Variants in CNIH3 observed in about 807,000 individuals in gnomAD.
CNIH3 encodes the protein protein cornichon homolog 3.
In CNIH3, 14 loss-of-function variants were observed where a neutral mutation model predicts 24.1. The ratio of observed to expected loss-of-function variants is 0.58; its 90% CI spans 0.38 to 0.91. CNIH3 has a LOEUF of 0.91. Among genes scored for constraint, CNIH3 ranks in the 40% least tolerant of loss-of-function variants. CNIH3 has a pLI of 0.00. For missense variants in CNIH3, 178 were observed against 196.8 expected (o/e 0.90, Z 0.57); for synonymous variants, 68 against 73.8 (o/e 0.92, Z 0.40).
At chr1:224,672,317 A>G (rs956241957) in intron 1 of CNIH3, among the ~76,000 whole-genome samples, 3 of 152,366 alleles carry the variant, frequency 2.0e-5, no homozygotes, top group Non-Finnish European at 4.4e-5. Flanking sequence ...TTCAGGTAGC[A>G]CCAAAAGCCA....
At chr1:224,602,071 A>G (rs1056686360) in intron 3 of CNIH3, among the ~76,000 whole-genome samples, 11 of 152,244 alleles carry the variant, frequency 7.2e-5, no homozygotes, top group African/African-American at 2.7e-4. Context: ...TTCCACCTTC[A>G]TAAGATCAAC....
chr1:224,684,250 A>C lies in CNIH3; in HGVS notation c.151-546A>C, dbSNP rs1686543263. On this transcript the variant is annotated intron_variant, in intron 2 of 5. Transcript: ENST00000272133. This position sits in a 1 kb window ranked among gnomAD's most constrained non-coding sequence, Gnocchi z 4.2. ...CTTGACAGACTCGAACTTCTTAAAAAGCCTTAGCCTGGGGGCATCATTGTT... is the reference window on the plus strand; with the variant it reads ...CTTGACAGACTCGAACTTCTTAAAACGCCTTAGCCTGGGGGCATCATTGTT... 6.6e-6 allele frequency among the ~76,000 whole-genome samples: 1 copy of C among 152,234 alleles called. No individual in the cohort carries two copies. Among genetic ancestry groups the C allele is most frequent in the Admixed American group, 6.5e-5 (1 of 15,288 alleles).
chr1:224,614,979 G>A (rs528069302), upstream of CNIH3, among the ~76,000 whole-genome samples: 1,182 of 134,416 alleles, frequency 8.8e-3, 10 homozygotes, highest in African/African-American at 0.021. Context: ...AAATAAATAA[G>A]TAAAAGATGT....
At chr1:224,553,023 C>A (rs945268418) in intron 3 of CNIH3, among the ~76,000 whole-genome samples, 2 of 150,220 alleles carry the variant, frequency 1.3e-5, no homozygotes, top group Non-Finnish European at 3.0e-5. Context: ...CAATACATCT[C>A]CCTTAGATAT....
chr1:224,454,487 TGA>T (rs1252315907), intron 1 of CNIH3: 2 of 231,512 alleles, frequency 8.6e-6, no homozygotes, highest in East Asian at 1.8e-4. Flanking sequence ...AAGCTTGGAC[TGA>T]GAGACCTGGT....
At position 224,617,125 on chromosome 1, in the gene CNIH3, G is replaced by T. The variant is rs770215314; in HGVS notation, c.-50G>T. 3 of 1,605,608 alleles carry T rather than the reference G, an allele frequency of 1.9e-6. No homozygotes were observed. Among genetic ancestry groups the T allele is most frequent in the Middle Eastern group, 1.7e-4 (1 of 5,962 alleles). ...AGTGCGGTCCTCTAGGGAGGCATCG[G>T]GCTCCTAGGGGCTTCTTGGCGTGTG... On this transcript the variant is annotated 5_prime_UTR_variant, in exon 1 of 6. Transcript: ENST00000272133.
At chr1:224,563,460 G>GTGT (rs1680456895) in intron 3 of CNIH3, among the ~76,000 whole-genome samples, 13 of 146,476 alleles carry the variant, frequency 8.9e-5, no homozygotes, top group South Asian at 6.7e-4. Flanking sequence ...TTTTAGACGG[G>GTGT]GTGTGTGTGT....
At chr1:224,633,123 T>C (rs1256692529) in intron 1 of CNIH3, among the ~76,000 whole-genome samples, 1 of 152,088 alleles carries the variant, frequency 6.6e-6, no homozygotes, top group Non-Finnish European at 1.5e-5. Context: ...GGGTATGAGG[T>C]GTCAGGTTTC....
chr1:224,448,161 C>T (rs1233513989), intron 1 of CNIH3, among the ~76,000 whole-genome samples: 1 of 152,140 alleles, frequency 6.6e-6, no homozygotes, highest in Non-Finnish European at 1.5e-5. Flanking sequence ...TGCTTGAGCC[C>T]AGGAGGTTGA....
chr1:224,699,850 G>A (rs1687386266), intron 3 of CNIH3, among the ~76,000 whole-genome samples: 1 of 152,160 alleles, frequency 6.6e-6, no homozygotes, highest in Non-Finnish European at 1.5e-5. Flanking sequence ...CCTGAGCTTT[G>A]GGTTGAATGA....
intron 1 of CNIH3, among the ~76,000 whole-genome samples, chr1:224,503,473 C>G (rs1255443505): frequency 6.6e-6 from 1 of 152,214 alleles, no homozygotes; most frequent in Non-Finnish European, 1.5e-5. Context: ...CCAGGTGGCT[C>G]CCCTGCAGGA....
chr1:224,706,579 C>T (rs1317500038), intron 3 of CNIH3, among the ~76,000 whole-genome samples: 1 of 152,222 alleles, frequency 6.6e-6, no homozygotes, highest in African/African-American at 2.4e-5. Context: ...CTGGATTTGT[C>T]TGCCCCCTTC....
chr1:224,658,537 T>C (rs1685202265), intron 1 of CNIH3, among the ~76,000 whole-genome samples: 1 of 152,006 alleles, frequency 6.6e-6, no homozygotes, highest in South Asian at 2.1e-4. Flanking sequence ...TTAATACACC[T>C]GATTTCACAA....
chr1:224,506,945 C>A (rs1677945570), intron 1 of CNIH3, among the ~76,000 whole-genome samples: 1 of 152,134 alleles, frequency 6.6e-6, no homozygotes, highest in African/African-American at 2.4e-5. Flanking sequence ...TCACTGCAGC[C>A]TCAACTTCTT....
intron 1 of CNIH3, among the ~76,000 whole-genome samples, chr1:224,469,967 A>G (rs909490408): frequency 6.6e-6 from 1 of 152,086 alleles, no homozygotes; most frequent in African/African-American, 2.4e-5. Context: ...GGTTTTTAAA[A>G]AACTGGGTGT....
chr1:224,634,132 C>T (rs780537599), intron 1 of CNIH3, among the ~76,000 whole-genome samples: 3 of 152,226 alleles, frequency 2.0e-5, no homozygotes, highest in African/African-American at 4.8e-5. Flanking sequence ...CTCATGAAAA[C>T]GTCCCCTGGC....
At chr1:224,570,815 T>C (rs549735758) in intron 4 of CNIH3, among the ~76,000 whole-genome samples, 1 of 152,346 alleles carries the variant, frequency 6.6e-6, no homozygotes, top group Admixed American at 6.5e-5. Context: ...CTAAAAGTTT[T>C]ATAGTTTAGC....
At chr1:224,465,631 A>G (rs1427971746) in intron 1 of CNIH3, among the ~76,000 whole-genome samples, 1 of 152,198 alleles carries the variant, frequency 6.6e-6, no homozygotes, top group Non-Finnish European at 1.5e-5. Context: ...TTTTGAAATA[A>G]TTATAAACGG....
intron 3 of CNIH3, among the ~76,000 whole-genome samples, chr1:224,549,955 C>A (rs1439532429): frequency 6.6e-6 from 1 of 151,858 alleles, no homozygotes; most frequent in South Asian, 2.1e-4. Context: ...CTGTATGTAA[C>A]CACCGGATAA....
Sources: gnomAD v4.1 joint callset for allele counts (sites outside exome capture counted in the v4.1 genomes callset) on GRCh38, gnomAD v4.1.1 for gene constraint, Gnocchi (gnomAD v3.1) non-coding constraint, MANE v1.5 for transcripts, NCBI Gene and HGNC (gene_info 2026-07-23, HGNC 2026-07-21) for gene names.